Variants in ABCB11 observed in about 807,000 individuals in gnomAD.
ABCB11 encodes bile salt export pump.
In ABCB11, 95 loss-of-function variants were observed where a neutral mutation model predicts 148.0. That is an observed-to-expected ratio of 0.64 (90% CI 0.54 to 0.76). The LOEUF (loss-of-function observed/expected upper bound fraction) is 0.76, where lower values mean the gene tolerates loss of function less well. Among genes scored for constraint, ABCB11 ranks in the 30% least tolerant of loss-of-function variants. ABCB11 has a pLI of 0.00. For missense variants in ABCB11, 1,523 were observed against 1,617.8 expected (o/e 0.94, Z 1.01); for synonymous variants, 591 against 555.4 (o/e 1.06, Z -0.90).
intron 2 of ABCB11, among the ~76,000 whole-genome samples, 180 bp from the exon 3 acceptor site, chr2:169,016,979 T>TACACACAC (rs71397686): frequency 0.024 from 3,307 of 138,070 alleles, 48 homozygotes; most frequent in African/African-American, 0.028. Flanking sequence ...TCTATCTTTC[T>TACACACAC]ACACACACAC....
Position 168,986,160 on chromosome 2 carries a change from A to G in ABCB11, c.1033T>C (p.Ser345Pro). The change falls in exon 10 of 28, where the codon TCC (serine) becomes CCC (proline). Residue 345 changes from serine (S) to proline (P), a missense_variant. Ser to Pro is a moderately conservative substitution (Grantham distance 74, BLOSUM62 -1). Coordinates refer to ENST00000650372, the MANE Select transcript of ABCB11 (RefSeq NM_003742.4). ...TCTCCTTCATCCAGGACAAGTGTGG[A>G]GCCGTACCAGAAGGCCAGTGCATAA... ...LCYALAFWYG[S>P]TLVLDEGEYT... 6.2e-7 allele frequency: 1 copy of G among 1,613,100 alleles called. No individual in the cohort carries two copies. The highest frequency in any genetic ancestry group is 8.5e-7 in the Non-Finnish European group (1 of 1,179,472).
In ABCB11 at chr2:168,937,091, TG is replaced by T. The variant is rs368299426; in HGVS notation, c.2611-659del. Among the ~76,000 whole-genome samples, 169 of 152,274 alleles carry T rather than the reference TG, an allele frequency of 1.1e-3. 3 individuals are homozygous for T. The highest frequency in any genetic ancestry group is 9.4e-3 in the Admixed American group (144 of 15,288). ...TAGTAGAAATGAGGTCTCACTATGT[TG>T]CCCAGGCTGGTCTTAAACTCCTAAG... is the stretch of plus-strand genomic sequence containing the variant. On this transcript the variant is annotated intron_variant, in intron 21 of 27. Coordinates refer to ENST00000650372, the MANE Select transcript of ABCB11 (RefSeq NM_003742.4).
chr2:169,016,733 A>C (rs749670882), intron 3 of ABCB11, 45 bp downstream of exon 3: 10 of 1,521,838 alleles, frequency 6.6e-6, no homozygotes, highest in Non-Finnish European at 7.3e-6. Flanking sequence ...AATATTATGG[A>C]GTTATTCTAG....
chr2:168,988,728 C>G (rs768711205), intron 9 of ABCB11, among the ~76,000 whole-genome samples: 7 of 152,058 alleles, frequency 4.6e-5, no homozygotes, highest in Non-Finnish European at 1.0e-4. Flanking sequence ...CCACCAAAAG[C>G]GATCCGTGTA....
chr2:168,990,036 G>A (rs73018789), intron 9 of ABCB11, among the ~76,000 whole-genome samples: 4,793 of 152,084 alleles, frequency 0.032, 114 homozygotes, highest in African/African-American at 0.063. Context: ...GCATTTTCAC[G>A]TCCATGTTTA....
intron 12 of ABCB11, among the ~76,000 whole-genome samples, chr2:168,976,148 C>T (rs1693893291): frequency 6.6e-6 from 1 of 152,106 alleles, no homozygotes; most frequent in African/African-American, 2.4e-5. Flanking sequence ...TAAAAACCTA[C>T]ATAATGGCAG....
At chr2:169,009,759 A>G (rs1209466368) in intron 5 of ABCB11, among the ~76,000 whole-genome samples, 5 of 152,090 alleles carry the variant, frequency 3.3e-5, no homozygotes, top group African/African-American at 1.2e-4. Context: ...AAAATGTTCT[A>G]AAATTGACTG....
chr2:169,025,108 T>C (rs1695657517), intron 1 of ABCB11, among the ~76,000 whole-genome samples: 1 of 152,200 alleles, frequency 6.6e-6, no homozygotes, highest in African/African-American at 2.4e-5. Context: ...CATTTCCTAA[T>C]TTTAAAATAC....
chr2:168,953,486 T>C (rs1356687588), intron 19 of ABCB11, among the ~76,000 whole-genome samples: 1 of 151,252 alleles, frequency 6.6e-6, no homozygotes, highest in African/African-American at 2.4e-5. Context: ...ATTTAAAGTG[T>C]TTTATCTGAT....
At chr2:168,919,645 C>A (rs1353917454), downstream of ABCB11, among the ~76,000 whole-genome samples, 1 of 151,850 alleles carries the variant, frequency 6.6e-6, no homozygotes, top group Non-Finnish European at 1.5e-5. Flanking sequence ...AAAAAGCCCC[C>A]TTTTGTGGCT....
intron 10 of ABCB11, among the ~76,000 whole-genome samples, chr2:168,980,812 C>G (rs532468945): frequency 6.6e-6 from 1 of 152,252 alleles, no homozygotes; most frequent in East Asian, 1.9e-4. Flanking sequence ...GCTACCTGAT[C>G]ATGCCCAGAT....
chr2:169,019,371 G>A lies in ABCB11; in HGVS notation c.-27-1219C>T, dbSNP rs182129971. ...TACCTGATTCTTCAAATTAACAGTA[G>A]ACACCAAGAATTGATTGGAATAGAT... On this transcript the variant is annotated intron_variant, in intron 1 of 27. Coordinates refer to ENST00000650372, the MANE Select transcript of ABCB11 (RefSeq NM_003742.4). Among the ~76,000 whole-genome samples the A allele has an allele frequency of 2.0e-5, 3 of 152,146 alleles. No homozygotes were observed. In the East Asian group the frequency reaches 5.8e-4, roughly 29 times the overall value.
At chr2:169,021,950 TTAAA>T (rs1695554284) in intron 1 of ABCB11, among the ~76,000 whole-genome samples, 1 of 151,880 alleles carries the variant, frequency 6.6e-6, no homozygotes, top group African/African-American at 2.4e-5. Flanking sequence ...GACAATGCAA[TTAAA>T]TAAAAACTAA....
At chr2:169,001,862 T>G (rs1694884265) in intron 5 of ABCB11, among the ~76,000 whole-genome samples, 1 of 152,140 alleles carries the variant, frequency 6.6e-6, no homozygotes. Context: ...AACATGTTAT[T>G]ACTTGGCTCC....
chr2:169,017,773 C>T (rs1215370447), intron 2 of ABCB11, among the ~76,000 whole-genome samples: 3 of 152,116 alleles, frequency 2.0e-5, no homozygotes, highest in African/African-American at 7.2e-5. Flanking sequence ...GTAGTCATAA[C>T]AGCCACCACT....
At chr2:168,983,054 G>T (rs1266368894) in intron 10 of ABCB11, among the ~76,000 whole-genome samples, 1 of 152,134 alleles carries the variant, frequency 6.6e-6, no homozygotes. Context: ...GAAATTTAAA[G>T]ATGAGAGACA....
intron 25 of ABCB11, among the ~76,000 whole-genome samples, chr2:168,928,429 C>T (rs1028500382): frequency 1.9e-4 from 29 of 151,818 alleles, no homozygotes; most frequent in Middle Eastern, 3.4e-3. Flanking sequence ...AAATATTGAA[C>T]GCCTACATTT....
chr2:169,015,673 C>T (rs1252436910), intron 3 of ABCB11, among the ~76,000 whole-genome samples: 6 of 152,182 alleles, frequency 3.9e-5, no homozygotes, highest in Non-Finnish European at 5.9e-5. Context: ...TCAACCCCAC[C>T]CCCCACGCAC....
intron 21 of ABCB11, among the ~76,000 whole-genome samples, chr2:168,941,611 A>G (rs1380079848): frequency 6.6e-6 from 1 of 152,100 alleles, no homozygotes; most frequent in Non-Finnish European, 1.5e-5. Flanking sequence ...TGAAAATGCT[A>G]TGTTAATAAA....
Sources: allele counts gnomAD v4.1 joint callset (sites outside exome capture counted in the v4.1 genomes callset), GRCh38; gene constraint gnomAD v4.1.1; transcripts MANE v1.5; gene names NCBI Gene and HGNC (gene_info 2026-07-23, HGNC 2026-07-21).